The following DOK5 variants were observed in gnomAD, a reference collection of about 807,000 sequenced individuals.
DOK5 encodes the protein downstream of tyrosine kinase 5.
In DOK5, 27 loss-of-function variants were observed where a neutral mutation model predicts 43.3. The observed-to-expected ratio is 0.62, with a 90% CI of 0.46 to 0.86. DOK5 has a LOEUF of 0.86. DOK5 is among the 40% of genes least tolerant of loss of function. The pLI, the probability that DOK5 is intolerant of heterozygous loss-of-function variation, is 0.00. For synonymous variants in DOK5, 146 were observed against 140.1 expected, an observed-to-expected ratio of 1.04 and a Z score of -0.30; for missense variants, 373 against 392.9, an observed-to-expected ratio of 0.95 and a Z score of 0.43.
At position 54,588,509 on chromosome 20, in the gene DOK5, C is replaced by T. The variant is rs769872230; in HGVS notation, c.201C>T (p.Asn67=). The part of the protein sequence containing the change: ...HKVTELNNVK[N]VARLPKSTKK... ...TTACAGAACTCAATAATGTGAAGAA[C>T]GTAGCTCGATTGCCAAAAAGCACCA... Residue 67 remains asparagine, a synonymous_variant, in exon 3 of 8, where the codon AAC becomes AAT. Coordinates refer to ENST00000262593, the MANE Select transcript of DOK5 (RefSeq NM_018431.5). 1.7e-5 allele frequency: 27 copies of T among 1,614,090 alleles called. No individual in the cohort carries two copies. The South Asian group carries it at 1.8e-4, about 11-fold the overall frequency.
At chr20:54,619,157 T>A (rs2146803593) in intron 6 of DOK5, among the ~76,000 whole-genome samples, 1 of 147,556 alleles carries the variant, frequency 6.8e-6, no homozygotes, top group East Asian at 2.0e-4. Flanking sequence ...TTATTTCTCG[T>A]CTACATTTCC....
intron 6 of DOK5, among the ~76,000 whole-genome samples, chr20:54,633,820 C>T (rs538732702): frequency 4.6e-5 from 7 of 152,276 alleles, no homozygotes; most frequent in South Asian, 2.1e-4. Context: ...GATTTGTGCT[C>T]GTTTCTGAAT....
chr20:54,599,290 G>A (rs1049475285), intron 5 of DOK5, among the ~76,000 whole-genome samples: 4 of 152,150 alleles, frequency 2.6e-5, no homozygotes, highest in African/African-American at 9.7e-5. Context: ...AAGAAAAAGG[G>A]AACAAACATT....
At chr20:54,505,497 G>T (rs6023315) in intron 1 of DOK5, among the ~76,000 whole-genome samples, 2,712 of 152,160 alleles carry the variant, frequency 0.018, 83 homozygotes, top group African/African-American at 0.062. Flanking sequence ...GAGCCTATAA[G>T]AGTGAAGAAA....
intron 5 of DOK5, among the ~76,000 whole-genome samples, chr20:54,598,404 T>C (rs1219583891): frequency 1.3e-5 from 2 of 152,232 alleles, no homozygotes; most frequent in Non-Finnish European, 2.9e-5. Flanking sequence ...ACTAATTTTT[T>C]ATGGGAAGAT....
chr20:54,642,039 T>C (rs549164006), intron 6 of DOK5, among the ~76,000 whole-genome samples: 13 of 152,320 alleles, frequency 8.5e-5, no homozygotes, highest in African/African-American at 2.9e-4. Context: ...TGCGTCATGA[T>C]TGTGTCTAAG....
At chr20:54,515,184 C>G (rs1043860298) in intron 1 of DOK5, among the ~76,000 whole-genome samples, 3 of 151,988 alleles carry the variant, frequency 2.0e-5, no homozygotes, top group South Asian at 2.1e-4. Context: ...CTAAATTTTC[C>G]TATTTTTAGT....
intron 6 of DOK5, among the ~76,000 whole-genome samples, chr20:54,627,110 C>A (rs185954484): frequency 6.6e-6 from 1 of 152,186 alleles, no homozygotes; most frequent in East Asian, 1.9e-4. Flanking sequence ...ATTTATTAAA[C>A]GTACGTATAA....
chr20:54,485,433 A>G (rs1051939573), intron 1 of DOK5, among the ~76,000 whole-genome samples: 4 of 151,798 alleles, frequency 2.6e-5, no homozygotes, highest in African/African-American at 7.3e-5. Context: ...TTAAAACTCA[A>G]TATAATCCCC....
At chr20:54,500,524 A>C (rs1982554064) in intron 1 of DOK5, among the ~76,000 whole-genome samples, 1 of 151,536 alleles carries the variant, frequency 6.6e-6, no homozygotes, top group Non-Finnish European at 1.5e-5. Context: ...CATGGTTACA[A>C]GGATCACATA....
intron 2 of DOK5, among the ~76,000 whole-genome samples, chr20:54,581,962 A>T (rs574020496): frequency 6.6e-4 from 101 of 151,902 alleles, no homozygotes; most frequent in African/African-American, 2.4e-3. Flanking sequence ...GCACCTTTTG[A>T]CTTGCTCCTG....
intron 6 of DOK5, among the ~76,000 whole-genome samples, chr20:54,633,938 A>G (rs1217793730): frequency 6.6e-6 from 1 of 152,236 alleles, no homozygotes; most frequent in Non-Finnish European, 1.5e-5. Flanking sequence ...ACAATGCTCT[A>G]CCATAAAAAC....
chr20:54,613,264 CTCTCTCTT>C (rs1368645229), intron 6 of DOK5, among the ~76,000 whole-genome samples: 11 of 150,850 alleles, frequency 7.3e-5, no homozygotes, highest in East Asian at 1.9e-4. Context: ...CTCGCCATCT[CTCTCTCTT>C]TCTAAATGTC....
chr20:54,628,496 G>A (rs1274125065), intron 6 of DOK5, among the ~76,000 whole-genome samples: 1 of 147,652 alleles, frequency 6.8e-6, no homozygotes, highest in Non-Finnish European at 1.5e-5. Context: ...TCCAGCAGAT[G>A]GAGGAAAGAG....
chr20:54,506,085 T>C (rs1000420982), intron 1 of DOK5, among the ~76,000 whole-genome samples: 5 of 152,094 alleles, frequency 3.3e-5, no homozygotes, highest in African/African-American at 1.2e-4. Flanking sequence ...GTTAGAGCTG[T>C]AGAGGTGGTG....
At chr20:54,635,886 C>T (rs760230575) in intron 6 of DOK5, among the ~76,000 whole-genome samples, 8 of 152,104 alleles carry the variant, frequency 5.3e-5, no homozygotes, top group Admixed American at 3.3e-4. Context: ...TTTATTTTTA[C>T]GGCTATAACA....
At position 54,547,077 on chromosome 20, in the gene DOK5, G is replaced by T. The variant is rs116641950; in HGVS notation, c.67-7856G>T. Among the ~76,000 whole-genome samples, 681 of 152,228 alleles carry T rather than the reference G, an allele frequency of 4.5e-3. 5 individuals are homozygous for T. Among genetic ancestry groups the T allele is most frequent in the African/African-American group, 0.016 (655 of 41,544 alleles). ...GCTTAAAGAGTTGAGAAATACTACC[G>T]TAGACCAGAGGTTGGCAAACTATGG... is the stretch of plus-strand genomic sequence containing the variant. On this transcript the variant is annotated intron_variant, in intron 1 of 7. Transcript: ENST00000262593.
At chr20:54,476,163 G>A (rs1600644625) in intron 1 of DOK5, 151 bp downstream of exon 1, 1 of 1,512,138 alleles carries the variant, frequency 6.6e-7, no homozygotes, top group Non-Finnish European at 8.8e-7. Context: ...CTCCGGGGCT[G>A]TCACTGTAAG....
intron 6 of DOK5, among the ~76,000 whole-genome samples, chr20:54,623,935 T>G (rs1294471291): frequency 1.3e-5 from 2 of 152,178 alleles, no homozygotes; most frequent in African/African-American, 4.8e-5. Flanking sequence ...AGAAAGAGAC[T>G]CACCTTGAAG....
Sources: allele counts gnomAD v4.1 joint callset (sites outside exome capture counted in the v4.1 genomes callset), GRCh38; gene constraint gnomAD v4.1.1; transcripts MANE v1.5; gene names NCBI Gene and HGNC (gene_info 2026-07-23, HGNC 2026-07-21).